Variants in FGB observed in about 807,000 individuals in gnomAD.
The protein encoded by FGB is beta-fibrinogen.
Under a neutral mutation model 57.9 loss-of-function variants are expected in FGB, and 25 were observed. The observed-to-expected ratio is 0.43, with a 90% confidence interval of 0.31 to 0.60. The LOEUF is 0.60. FGB is among the 20% of genes least tolerant of loss of function. FGB has a pLI of 0.08. For synonymous variants in FGB, 203 were observed against 199.2 expected (o/e 1.02, Z -0.16); for missense variants, 536 against 598.4 (o/e 0.90, Z 1.09).
chr4:154,572,453 T>C lies in FGB; in HGVS notation c.*1803T>C, dbSNP rs1730466848. ...ATTTGTAAAGAGTATGTAGTTTATA[T>C]AACATTTCTACTTAGCACTCTCCAC... On this transcript the variant is annotated 3_prime_UTR_variant, in exon 8 of 8. Coordinates refer to ENST00000302068, the MANE Select transcript of FGB (RefSeq NM_005141.5). Among the ~76,000 whole-genome samples, 1 of 152,198 alleles carries C rather than the reference T, an allele frequency of 6.6e-6. No individual in the cohort carries two copies. Among genetic ancestry groups the C allele is most frequent in the Non-Finnish European group, 1.5e-5 (1 of 68,036 alleles).
intron 1 of FGB, among the ~76,000 whole-genome samples, chr4:154,565,011 G>A (rs1444150456): frequency 2.6e-5 from 4 of 152,204 alleles, no homozygotes; most frequent in Admixed American, 2.0e-4. Context: ...AGTGAAATTC[G>A]AAGTGGAGAG....
In FGB at chr4:154,565,903, C is replaced by T. The variant is rs933834957; in HGVS notation, c.210C>T (p.Gly70=). The T allele has an allele frequency of 6.8e-6, 11 of 1,614,042 alleles. 1 individual carries two copies. Among genetic ancestry groups the T allele is most frequent in the Middle Eastern group, 3.3e-4 (2 of 6,056 alleles). The change falls in exon 2 of 8, where the codon GGC becomes GGT. Residue 70 remains glycine, a synonymous_variant. Transcript: ENST00000302068. ...CCCCACCGCCCATCAGTGGAGGTGG[C>T]TATCGGGCTCGTCCAGCCAAAGCAG... ...RPAPPPISGG[G]YRARPAKAAA...
chr4:154,566,073 A>T (rs1174289265), intron 2 of FGB, 74 bp downstream of exon 2: 5 of 1,264,248 alleles, frequency 4.0e-6, no homozygotes, highest in Non-Finnish European at 5.7e-6. Context: ...CAGTCTGCTA[A>T]TGTTTCACTG....
Position 154,570,432 on chromosome 4 carries a change from C to T in FGB, c.1258C>T (p.Pro420Ser), listed in dbSNP as rs759268165. 3.9e-5 allele frequency: 63 copies of T among 1,613,048 alleles called. No individual in the cohort carries two copies. In the Admixed American group the frequency reaches 1.0e-3, roughly 26 times the overall value. Residue 420 changes from proline (P) to serine (S), a missense_variant, in exon 8 of 8, where the codon CCC (proline) becomes TCC (serine). Transcript: ENST00000302068. Reference protein sequence around the residue: ...RDNDGWLTSDPRKQCSKEDGG... With the variant: ...RDNDGWLTSDSRKQCSKEDGG... ...ATTTTCTTTCAGGTTAACATCAGAT[C>T]CCAGAAAACAGTGTTCTAAAGAAGA...
rs1217998140 is a variant in FGB at position 154,571,980 on chromosome 4, C to A, written c.*1330C>A. Among the ~76,000 whole-genome samples, 2 of 152,158 alleles carry A rather than the reference C, an allele frequency of 1.3e-5. No individual in the cohort carries two copies. Among genetic ancestry groups the A allele is most frequent in the Non-Finnish European group, 2.9e-5 (2 of 68,026 alleles). Reference sequence around the variant, plus strand: ...TTTAACTTTTGACCTGGTTTCTCTGCCACAAGTTCTGTCCCACTGGAGCCC... The same window carrying A: ...TTTAACTTTTGACCTGGTTTCTCTGACACAAGTTCTGTCCCACTGGAGCCC... On this transcript the variant is annotated 3_prime_UTR_variant, in exon 8 of 8. Coordinates refer to ENST00000302068, the MANE Select transcript of FGB (RefSeq NM_005141.5).
At position 154,563,120 on chromosome 4, in the gene FGB, C is replaced by A; in HGVS notation, c.102C>A (p.Asn34Lys). 1.3e-6 allele frequency: 2 copies of A among 1,499,426 alleles called. No homozygotes were observed. Among genetic ancestry groups the A allele is most frequent in the Non-Finnish European group, 1.8e-6 (2 of 1,095,194 alleles). The allele number at this position is 1,499,426 out of a possible 1,614,324, so 92.9% of individuals were successfully genotyped here. A position where few individuals can be genotyped will look rare whatever the true frequency, so the allele number is the denominator to read the frequency against. ...CVFLVKSQGVNDNEEGFFSAR... is the reference protein window; with the variant it reads ...CVFLVKSQGVKDNEEGFFSAR... The stretch of plus-strand genomic sequence containing the variant: ...TTCTAGTTAAGTCCCAAGGTGTCAA[C>A]GACAATGAGGAGGTGAATTTTTTAA... Residue 34 changes from asparagine (N) to lysine (K), a missense_variant, in exon 1 of 8, where the codon AAC becomes AAA. Around this residue, in one of 3 missense-constraint regions of FGB, gnomAD observed 354 missense variants for 383.4 expected, o/e 0.92. Transcript: ENST00000302068.
intron 5 of FGB, 110 bp downstream of exon 5, chr4:154,568,604 G>C (rs1417867968): frequency 1.4e-6 from 1 of 738,354 alleles, no homozygotes; most frequent in Admixed American, 1.9e-5. Context: ...CCAGCACCTT[G>C]GGAGGCCAAA....
At chr4:154,568,536 T>C in intron 5 of FGB, 42 bp downstream of exon 5, 1 of 1,076,102 alleles carries the variant, frequency 9.3e-7, no homozygotes, top group Non-Finnish European at 1.4e-6. Context: ...CTGTAATTAT[T>C]TGGATACCGT....
intron 4 of FGB, 81 bp from the exon 5 acceptor site, chr4:154,568,300 T>G: frequency 1.3e-6 from 1 of 796,320 alleles, no homozygotes; most frequent in South Asian, 1.4e-5. Flanking sequence ...ACTTATGTAA[T>G]GTTATTTTAA....
At chr4:154,564,445 C>G (rs998686715) in intron 1 of FGB, among the ~76,000 whole-genome samples, 1 of 152,094 alleles carries the variant, frequency 6.6e-6, no homozygotes, top group Non-Finnish European at 1.5e-5. Flanking sequence ...AGGGTAAGCT[C>G]TGACTAGGAC....
intron 3 of FGB, 115 bp downstream of exon 3, chr4:154,566,787 T>G: frequency 1.9e-6 from 2 of 1,031,824 alleles, no homozygotes; most frequent in Non-Finnish European, 3.0e-6. Flanking sequence ...TGAATAGCAT[T>G]CATACGCTTT....
At chr4:154,566,097 T>C in intron 2 of FGB, 98 bp downstream of exon 2, 1 of 994,524 alleles carries the variant, frequency 1.0e-6, no homozygotes, top group Non-Finnish European at 1.5e-6. Flanking sequence ...CACATTACCA[T>C]CACTGTTATT....
intron 2 of FGB, 103 bp downstream of exon 2, chr4:154,566,102 G>C (rs1246054145): frequency 1.0e-6 from 1 of 961,872 alleles, no homozygotes; most frequent in Non-Finnish European, 1.6e-6. Context: ...TACCATCACT[G>C]TTATTTTGTT....
In FGB at chr4:154,567,973, G is replaced by C. The variant is rs1027166314; in HGVS notation, c.718+153G>C. 3.7e-5 allele frequency: 27 copies of C among 725,624 alleles called. 1 individual carries two copies. Among genetic ancestry groups the C allele is most frequent in the South Asian group, 2.8e-4 (18 of 63,564 alleles). 44.9% of individuals were successfully genotyped at this position (725,624 alleles called of 1,614,324 possible). A position where few individuals can be genotyped will look rare whatever the true frequency, so the allele number is the denominator to read the frequency against. ...ATCATAAAAATATCCTTAGCCAGTTGTGTTTTGGACTGGCCTGGTGCATTT... is the reference window on the plus strand; with the variant it reads ...ATCATAAAAATATCCTTAGCCAGTTCTGTTTTGGACTGGCCTGGTGCATTT... On this transcript the variant is annotated intron_variant, in intron 4 of 7. Transcript: ENST00000302068.
chr4:154,565,698 C>A (rs1482549511), intron 1 of FGB, 110 bp from the exon 2 acceptor site: 2 of 1,155,406 alleles, frequency 1.7e-6, no homozygotes, highest in East Asian at 2.6e-5. Flanking sequence ...GGATCTTAAG[C>A]AAATTATCAA....
At position 154,566,524 on chromosome 4, in the gene FGB, G is replaced by A; in HGVS notation, c.342G>A (p.Glu114=). 6.2e-7 allele frequency: 1 copy of A among 1,614,098 alleles called. No homozygotes were observed. Among genetic ancestry groups the A allele is most frequent in the Non-Finnish European group, 8.5e-7 (1 of 1,180,014 alleles). Residue 114 remains glutamate (E), a synonymous_variant, in exon 3 of 8, where the codon GAG becomes GAA. Coordinates refer to ENST00000302068, the MANE Select transcript of FGB (RefSeq NM_005141.5). The part of the protein sequence containing the change: ...VLCPTGCQLQ[E]ALLQQERPIR... ...GTCCTACAGGATGTCAGTTGCAAGAGGCTTTGCTACAACAGGAAAGGCCAA... is the reference window on the plus strand; with the variant it reads ...GTCCTACAGGATGTCAGTTGCAAGAAGCTTTGCTACAACAGGAAAGGCCAA...
chr4:154,569,335 C>T (rs1418802508), intron 6 of FGB, 28 bp downstream of exon 6: 3 of 1,613,284 alleles, frequency 1.9e-6, no homozygotes, highest in African/African-American at 1.3e-5. Flanking sequence ...AAAATAAAAT[C>T]ATTCTATTTG....
chr4:154,569,907 G>C (rs372264360), intron 7 of FGB, 108 bp downstream of exon 7: 2 of 1,202,246 alleles, frequency 1.7e-6, no homozygotes. Context: ...CTTACTGTCA[G>C]CCACTGTCCT....
intron 1 of FGB, among the ~76,000 whole-genome samples, chr4:154,563,811 C>T (rs1381751805): frequency 6.6e-6 from 1 of 151,824 alleles, no homozygotes; most frequent in Non-Finnish European, 1.5e-5. Flanking sequence ...ACTAAAAATA[C>T]AGAAATGCAT....
Sources: allele counts gnomAD v4.1 joint callset (sites outside exome capture counted in the v4.1 genomes callset), GRCh38; gene constraint gnomAD v4.1.1; regional missense constraint gnomAD v4.1.1; transcripts MANE v1.5; gene names NCBI Gene and HGNC (gene_info 2026-07-23, HGNC 2026-07-21).